SPAG16: variants seen among roughly 807,000 people sequenced by gnomAD.
The protein encoded by SPAG16 is sperm-associated antigen 16 protein.
Under a neutral mutation model 80.4 loss-of-function variants are expected in SPAG16, and 86 were observed. The observed-to-expected ratio is 1.07, with a 90% CI of 0.90 to 1.28. The LOEUF is 1.28. Ranked by LOEUF, SPAG16 falls within the 50% of genes most tolerant of loss-of-function variation. SPAG16 has a pLI of 0.00. For missense variants in SPAG16, 870 were observed against 765.3 expected (o/e 1.14, Z -1.61); for synonymous variants, 294 against 265.9 (o/e 1.11, Z -1.03).
chr2:213,673,251 A>G (rs2063893762), intron 10 of SPAG16, among the ~76,000 whole-genome samples: 1 of 152,152 alleles, frequency 6.6e-6, no homozygotes, highest in South Asian at 2.1e-4. Flanking sequence ...ATATTTTAAG[A>G]ATAGGAATTA....
At chr2:214,206,313 T>C (rs2058143838) in intron 15 of SPAG16, among the ~76,000 whole-genome samples, 1 of 152,170 alleles carries the variant, frequency 6.6e-6, no homozygotes, top group African/African-American at 2.4e-5. Context: ...GTAACCATCA[T>C]TCTCCCCTCT....
At chr2:213,402,876 G>A (rs761556123) in intron 9 of SPAG16, among the ~76,000 whole-genome samples, 43 of 151,308 alleles carry the variant, frequency 2.8e-4, no homozygotes, top group East Asian at 5.8e-4. Context: ...GAATAGTGCC[G>A]CAATAAACAT....
At chr2:214,400,983 T>TA in intron 15 of SPAG16, among the ~76,000 whole-genome samples, 1 of 152,058 alleles carries the variant, frequency 6.6e-6, no homozygotes, top group South Asian at 2.1e-4. Flanking sequence ...ATATACATAG[T>TA]AAAAAATGCT....
intron 9 of SPAG16, among the ~76,000 whole-genome samples, chr2:213,438,213 A>T (rs928349256): frequency 1.1e-4 from 16 of 152,236 alleles, no homozygotes; most frequent in African/African-American, 3.9e-4. Flanking sequence ...TATAGATACC[A>T]GAAAAAGTGG....
chr2:213,861,981 T>C (rs1265853406), intron 10 of SPAG16, among the ~76,000 whole-genome samples: 2 of 151,672 alleles, frequency 1.3e-5, no homozygotes, highest in Admixed American at 6.6e-5. Context: ...TAGTGGGCCA[T>C]GGAGTTAATG....
chr2:214,373,597 A>G (rs1699942974), intron 15 of SPAG16, among the ~76,000 whole-genome samples: 1 of 152,146 alleles, frequency 6.6e-6, no homozygotes, highest in African/African-American at 2.4e-5. Flanking sequence ...TAGAGCAAAG[A>G]CCCCAATCTA....
At chr2:214,110,642 G>A (rs774979329) in intron 14 of SPAG16, among the ~76,000 whole-genome samples, 1 of 152,100 alleles carries the variant, frequency 6.6e-6, no homozygotes, top group Non-Finnish European at 1.5e-5. Flanking sequence ...AATCCTTTAG[G>A]TATATACCCA....
chr2:213,485,965 T>C (rs931870772), intron 9 of SPAG16, among the ~76,000 whole-genome samples: 4 of 152,152 alleles, frequency 2.6e-5, no homozygotes, highest in African/African-American at 9.7e-5. Flanking sequence ...AAATATTTTA[T>C]TATTTTTAAT....
intron 11 of SPAG16, among the ~76,000 whole-genome samples, chr2:213,863,701 G>A (rs1172742731): frequency 6.6e-6 from 1 of 151,920 alleles, no homozygotes; most frequent in Non-Finnish European, 1.5e-5. Flanking sequence ...TAGAAGAATA[G>A]CCAATCGCTT....
At chr2:213,328,731 A>G (rs2063948605) in intron 5 of SPAG16, among the ~76,000 whole-genome samples, 2 of 152,080 alleles carry the variant, frequency 1.3e-5, no homozygotes, top group African/African-American at 4.8e-5. Flanking sequence ...TGGTCTTTGT[A>G]GGAGTTTCAT....
chr2:214,113,072 T>G (rs1156843493), intron 14 of SPAG16, among the ~76,000 whole-genome samples: 1 of 152,194 alleles, frequency 6.6e-6, no homozygotes, highest in African/African-American at 2.4e-5. Context: ...TATTTCTCCT[T>G]CATTTATGAA....
chr2:213,879,563 G>T (rs898409722), intron 11 of SPAG16, among the ~76,000 whole-genome samples: 1 of 151,948 alleles, frequency 6.6e-6, no homozygotes, highest in African/African-American at 2.4e-5. Flanking sequence ...CAAGGTTATT[G>T]CATGGGTTCA....
chr2:213,868,637 A>G (rs2075804350), intron 11 of SPAG16, among the ~76,000 whole-genome samples: 1 of 152,218 alleles, frequency 6.6e-6, no homozygotes, highest in African/African-American at 2.4e-5. Context: ...CTGTATGACC[A>G]CAGCTTATTA....
At chr2:214,137,449 T>C (rs1460527065) in intron 14 of SPAG16, among the ~76,000 whole-genome samples, 2 of 152,168 alleles carry the variant, frequency 1.3e-5, no homozygotes, top group Non-Finnish European at 2.9e-5. Context: ...GTATGTGTTA[T>C]CTATTGATGA....
intron 10 of SPAG16, among the ~76,000 whole-genome samples, chr2:213,506,254 A>G (rs1412556511): frequency 6.6e-6 from 1 of 152,148 alleles, no homozygotes; most frequent in Non-Finnish European, 1.5e-5. Context: ...TGTATTATAT[A>G]GAAACATGTT....
At chr2:214,144,628 C>G (rs902337274) in intron 14 of SPAG16, among the ~76,000 whole-genome samples, 1 of 151,958 alleles carries the variant, frequency 6.6e-6, no homozygotes, top group Non-Finnish European at 1.5e-5. Flanking sequence ...TTTAATTTTT[C>G]TAGTATGCAG....
At chr2:213,995,054 A>G (rs2046454388) in intron 12 of SPAG16, among the ~76,000 whole-genome samples, 1 of 152,236 alleles carries the variant, frequency 6.6e-6, no homozygotes, top group African/African-American at 2.4e-5. Flanking sequence ...AATGGGCTCA[A>G]GAGAAATGGG....
chr2:214,275,204 T>G (rs1692368479), intron 15 of SPAG16, among the ~76,000 whole-genome samples: 1 of 152,212 alleles, frequency 6.6e-6, no homozygotes, highest in African/African-American at 2.4e-5. Context: ...TTTATTAGTC[T>G]TGCTAGCAGT....
At chr2:214,386,630 G>T (rs557102349) in intron 15 of SPAG16, among the ~76,000 whole-genome samples, 1 of 151,758 alleles carries the variant, frequency 6.6e-6, no homozygotes, top group Admixed American at 6.6e-5. Context: ...GGGAGGCTGC[G>T]GCAGATAGAG....
Sources: gnomAD v4.1 joint callset for allele counts (sites outside exome capture counted in the v4.1 genomes callset) on GRCh38, gnomAD v4.1.1 for gene constraint, MANE v1.5 for transcripts, NCBI Gene and HGNC (gene_info 2026-07-23, HGNC 2026-07-21) for gene names.